Variants in PDE10A observed in about 807,000 individuals in gnomAD.
PDE10A encodes the protein phosphodiesterase 10A.
A neutral mutation model predicts 97.7 loss-of-function variants in PDE10A; 39 were observed. That is an observed-to-expected ratio of 0.40 (90% CI 0.31 to 0.52). The LOEUF (loss-of-function observed/expected upper bound fraction) is 0.52. PDE10A is among the 20% of genes least tolerant of loss of function. The pLI is 0.56. For missense variants in PDE10A, 731 were observed against 1,047.8 expected, an observed-to-expected ratio of 0.70 and a Z score of 4.17; for synonymous variants, 371 against 376.8, an observed-to-expected ratio of 0.98 and a Z score of 0.18.
At chr6:165,547,752 C>T (rs1353476960) in intron 1 of PDE10A, among the ~76,000 whole-genome samples, 6 of 152,090 alleles carry the variant, frequency 3.9e-5, no homozygotes, top group Middle Eastern at 3.2e-3. Context: ...TGAGTTTCCA[C>T]GCATAATAAT....
chr6:165,727,933 TTAAA>T (rs1234526858), intron 1 of PDE10A, among the ~76,000 whole-genome samples: 1 of 152,140 alleles, frequency 6.6e-6, no homozygotes, highest in East Asian at 1.9e-4. Context: ...AGAAAGGAGT[TTAAA>T]TAGTTGGTTG....
At chr6:165,905,363 G>A (rs1162687779) in intron 1 of PDE10A, among the ~76,000 whole-genome samples, 4 of 152,050 alleles carry the variant, frequency 2.6e-5, no homozygotes, top group Non-Finnish European at 5.9e-5. Context: ...TCTAGCCTAA[G>A]TTTACATACA....
intron 13 of PDE10A, among the ~76,000 whole-genome samples, chr6:165,404,479 T>C (rs902836064): frequency 2.6e-5 from 4 of 152,096 alleles, no homozygotes; most frequent in Non-Finnish European, 5.9e-5. Context: ...CCATATGTAG[T>C]TGTAGTTTCC....
intron 1 of PDE10A, among the ~76,000 whole-genome samples, chr6:165,952,442 A>C (rs896795712): frequency 9.2e-5 from 14 of 152,256 alleles, no homozygotes; most frequent in Non-Finnish European, 1.5e-4. Context: ...TCTGTGGGAA[A>C]AACACCAGAA....
At chr6:165,361,662 C>T (rs1260691007) in intron 18 of PDE10A, among the ~76,000 whole-genome samples, 1 of 152,074 alleles carries the variant, frequency 6.6e-6, no homozygotes, top group Non-Finnish European at 1.5e-5. Context: ...CAGAGACACA[C>T]AGGTATCTCA....
intron 1 of PDE10A, among the ~76,000 whole-genome samples, chr6:165,797,512 A>G (rs887762362): frequency 1.6e-4 from 25 of 152,182 alleles, no homozygotes; most frequent in African/African-American, 4.8e-4. Flanking sequence ...AATATTCAGA[A>G]CTAGGACTTG....
chr6:165,917,136 C>T (rs141654632), intron 1 of PDE10A, among the ~76,000 whole-genome samples: 4 of 152,166 alleles, frequency 2.6e-5, no homozygotes, highest in South Asian at 4.2e-4. Flanking sequence ...CAGTGGTTGC[C>T]GGCTCCAGAC....
intron 1 of PDE10A, among the ~76,000 whole-genome samples, chr6:165,697,404 T>TA (rs1205076868): frequency 6.6e-6 from 1 of 152,082 alleles, no homozygotes; most frequent in African/African-American, 2.4e-5. Context: ...AAAGCTGTAA[T>TA]AAAAAACTAA....
At chr6:165,922,714 C>T (rs548309184) in intron 1 of PDE10A, among the ~76,000 whole-genome samples, 10 of 152,162 alleles carry the variant, frequency 6.6e-5, no homozygotes, top group South Asian at 2.1e-4. Flanking sequence ...GAGCTCCACA[C>T]GTGAGTCAGA....
At chr6:165,957,959 G>A (rs183644238) in intron 1 of PDE10A, among the ~76,000 whole-genome samples, 208 of 152,278 alleles carry the variant, frequency 1.4e-3, no homozygotes, top group Non-Finnish European at 2.3e-3. Flanking sequence ...GAGAGCAAGC[G>A]GTGGTTCCCC....
At chr6:165,476,245 G>A (rs926496698) in intron 3 of PDE10A, among the ~76,000 whole-genome samples, 15 of 151,970 alleles carry the variant, frequency 9.9e-5, no homozygotes, top group Admixed American at 7.9e-4. Flanking sequence ...GGGATGTCGT[G>A]TGAGACGGAA....
intron 3 of PDE10A, among the ~76,000 whole-genome samples, chr6:165,476,171 A>C (rs1160446112): frequency 6.6e-6 from 1 of 152,210 alleles, no homozygotes; most frequent in Non-Finnish European, 1.5e-5. Flanking sequence ...AAGAAGAAAA[A>C]AAAAAACCAA....
chr6:165,634,908 G>T (rs1265219792), intron 1 of PDE10A, among the ~76,000 whole-genome samples: 1 of 152,176 alleles, frequency 6.6e-6, no homozygotes, highest in Non-Finnish European at 1.5e-5. Context: ...GTTCCACATG[G>T]CATGGTCCAG....
At chr6:165,672,499 G>A (rs1369091971) in intron 1 of PDE10A, among the ~76,000 whole-genome samples, 1 of 152,164 alleles carries the variant, frequency 6.6e-6, no homozygotes, top group African/African-American at 2.4e-5. Flanking sequence ...ATGGTGGTAC[G>A]GTTTGGCTGT....
At chr6:165,937,453 A>G (rs1209497084) in intron 1 of PDE10A, among the ~76,000 whole-genome samples, 1 of 152,152 alleles carries the variant, frequency 6.6e-6, no homozygotes, top group Non-Finnish European at 1.5e-5. Context: ...TCAGTCTCAT[A>G]TTGCATCCAA....
chr6:165,775,147 G>A (rs1269899193), intron 1 of PDE10A: 1 of 151,990 alleles, frequency 6.6e-6, no homozygotes, highest in Non-Finnish European at 1.5e-5. Context: ...CTGACCATGG[G>A]GAAACTTGTT....
intron 1 of PDE10A, among the ~76,000 whole-genome samples, chr6:165,821,693 GGTTTTTGTTTGTTTT>G (rs936117507): frequency 6.6e-6 from 1 of 151,830 alleles, no homozygotes; most frequent in African/African-American, 2.4e-5. Flanking sequence ...TGTGTTTTGT[GGTTTTTGTTTGTTTT>G]GTTTTTGTGT....
intron 1 of PDE10A, among the ~76,000 whole-genome samples, chr6:165,724,677 G>A (rs1466615529): frequency 6.6e-6 from 1 of 152,172 alleles, no homozygotes; most frequent in Non-Finnish European, 1.5e-5. Flanking sequence ...TTTACCCAAA[G>A]TTTCTCATTT....
chr6:165,932,103 C>T (rs190628757), intron 1 of PDE10A, among the ~76,000 whole-genome samples: 44 of 152,200 alleles, frequency 2.9e-4, no homozygotes, highest in South Asian at 2.1e-4. Context: ...ACACAGGGGA[C>T]GATATACCGC....
Sources: gnomAD v4.1 joint callset for allele counts (sites outside exome capture counted in the v4.1 genomes callset) on GRCh38, gnomAD v4.1.1 for gene constraint, MANE v1.5 for transcripts, NCBI Gene and HGNC (gene_info 2026-07-23, HGNC 2026-07-21) for gene names.